Variants in NBR1 observed in about 807,000 individuals in gnomAD.
NBR1 encodes the protein NBR1 autophagy cargo receptor.
A neutral mutation model predicts 115.5 loss-of-function variants in NBR1; 59 were observed. That is an observed-to-expected ratio of 0.51 (90% CI 0.41 to 0.63). The LOEUF is 0.63. Ranked by LOEUF, NBR1 falls within the 30% of genes least tolerant of loss-of-function variation. The pLI is 0.00. For synonymous variants in NBR1, 373 were observed against 414.7 expected, an observed-to-expected ratio of 0.90 and a Z score of 1.22; for missense variants, 1,043 against 1,150.5, an observed-to-expected ratio of 0.91 and a Z score of 1.35.
intron 20 of NBR1, among the ~76,000 whole-genome samples, chr17:43,204,390 C>T (rs1360711450): frequency 6.6e-6 from 1 of 152,122 alleles, no homozygotes; most frequent in Non-Finnish European, 1.5e-5. Flanking sequence ...CAGTTCTTGG[C>T]CGGGTATGGT....
intron 18 of NBR1, among the ~76,000 whole-genome samples, chr17:43,202,454 A>C (rs1598011875): frequency 6.6e-6 from 1 of 151,982 alleles, no homozygotes; most frequent in African/African-American, 2.4e-5. Flanking sequence ...ATAAACAATC[A>C]TCTTGCATTG....
chr17:43,202,537 A>G (rs1373200154), intron 18 of NBR1, 118 bp from the exon 19 acceptor site: 41 of 629,032 alleles, frequency 6.5e-5, no homozygotes, highest in Non-Finnish European at 9.8e-5. Flanking sequence ...AAAAAAAAAA[A>G]AAGACTTCAA....
At chr17:43,188,935 T>A (rs1016469289) in intron 6 of NBR1, 107 bp from the exon 7 acceptor site, 13 of 778,560 alleles carry the variant, frequency 1.7e-5, no homozygotes, top group Non-Finnish European at 2.4e-5. Context: ...TAAAAAATTA[T>A]ATACTTGTAT....
intron 5 of NBR1, among the ~76,000 whole-genome samples, chr17:43,185,277 A>G (rs908646222): frequency 1.3e-5 from 2 of 152,156 alleles, no homozygotes; most frequent in East Asian, 3.8e-4. Context: ...ATGACAAAAA[A>G]TTTTTTAAAT....
At position 43,186,164 on chromosome 17, in the gene NBR1, C is replaced by T. The variant is rs1276416258; in HGVS notation, c.208-86C>T. The T allele has an allele frequency of 2.6e-6, 3 of 1,167,658 alleles. No individual in the cohort carries two copies. The African/African-American group carries it at 4.7e-5, about 18-fold the overall frequency. 72.3% of individuals were successfully genotyped at this position (1,167,658 alleles called of 1,614,324 possible). On this transcript the variant is annotated intron_variant, in intron 5 of 20. Transcript: ENST00000590996. ...TAGTATTTTCTAGCATAACTTACCA[C>T]ACTCTTCTGTTTTGATGTCTTTGAA...
chr17:43,210,965 G>T lies in NBR1; in HGVS notation c.*891G>T. On this transcript the variant is annotated 3_prime_UTR_variant, in exon 21 of 21. Transcript: ENST00000590996. ...AAATAGAAACATGTGAAAGGCAAAA[G>T]GCAGGCTCCTAAATTAATGTCAGTG... The T allele has an allele frequency of 2.7e-6, 1 of 364,910 alleles. No individual in the cohort carries two copies. The highest frequency in any genetic ancestry group is 4.9e-6 in the Non-Finnish European group (1 of 205,814). 22.6% of individuals were successfully genotyped at this position (364,910 alleles called of 1,614,324 possible).
intron 3 of NBR1, among the ~76,000 whole-genome samples, chr17:43,178,336 C>G (rs1396908385): frequency 6.6e-6 from 1 of 151,482 alleles, no homozygotes; most frequent in Non-Finnish European, 1.5e-5. Context: ...GTGTGAGACA[C>G]CCACCATGCC....
intron 19 of NBR1, among the ~76,000 whole-genome samples, chr17:43,203,369 A>G (rs1001973968): frequency 4.0e-5 from 6 of 151,862 alleles, no homozygotes; most frequent in African/African-American, 1.4e-4. Flanking sequence ...AGAATAATTG[A>G]GCAGACAAAC....
At chr17:43,173,320 G>A (rs1455147124) in intron 1 of NBR1, among the ~76,000 whole-genome samples, 2 of 151,796 alleles carry the variant, frequency 1.3e-5, no homozygotes, top group African/African-American at 4.8e-5. Flanking sequence ...ACAGAGTCTC[G>A]CTCTATCACC....
Position 43,196,465 on chromosome 17 carries a change from T to C in NBR1, c.1751-16T>C. 1 of 1,458,214 alleles carries C rather than the reference T, an allele frequency of 6.9e-7. No homozygotes were observed. The highest frequency in any genetic ancestry group is 9.3e-7 in the Non-Finnish European group (1 of 1,074,300). 90.3% of individuals were successfully genotyped at this position (1,458,214 alleles called of 1,614,324 possible). ...GCTTTCTCTTGATTGATGGTTCTCCTGTCTTCATTCTCCAGATGTGACTCC... is the reference window on the plus strand; with the variant it reads ...GCTTTCTCTTGATTGATGGTTCTCCCGTCTTCATTCTCCAGATGTGACTCC... On this transcript the variant is annotated splice_polypyrimidine_tract_variant and intron_variant, in intron 14 of 20. Coordinates refer to ENST00000590996, the MANE Select transcript of NBR1 (RefSeq NM_005899.5).
Position 43,189,812 on chromosome 17 carries a change from T to A in NBR1, c.695+10T>A, listed in dbSNP as rs1026972691. 1.2e-6 allele frequency: 2 copies of A among 1,611,836 alleles called. No individual in the cohort carries two copies. The highest frequency in any genetic ancestry group is 3.3e-4 in the Middle Eastern group (2 of 6,010). On this transcript the variant is annotated intron_variant, in intron 8 of 20. Transcript: ENST00000590996. ...TCCGCTACCAGTGTAGGTAAGCAGT[T>A]GCTTGGGAGTAGCTAGCTAGTGATA...
At chr17:43,199,008 G>A (rs1329524915) in intron 16 of NBR1, among the ~76,000 whole-genome samples, 1 of 151,660 alleles carries the variant, frequency 6.6e-6, no homozygotes, top group African/African-American at 2.4e-5. Flanking sequence ...CCACATGTGT[G>A]TACAAATACA....
chr17:43,179,274 T>G, intron 3 of NBR1, 120 bp from the exon 4 acceptor site: 1 of 797,606 alleles, frequency 1.3e-6, no homozygotes, highest in Admixed American at 2.3e-5. Flanking sequence ...TAGCAAGTGA[T>G]ATGGAAAAGC....
intron 3 of NBR1, among the ~76,000 whole-genome samples, chr17:43,178,890 G>A (rs1284284316): frequency 6.6e-6 from 1 of 151,710 alleles, no homozygotes; most frequent in Non-Finnish European, 1.5e-5. Context: ...AGCCTTCTGG[G>A]TAGCTAGGAC....
intron 5 of NBR1, 75 bp from the exon 6 acceptor site, chr17:43,186,175 T>C: frequency 7.7e-7 from 1 of 1,302,756 alleles, no homozygotes; most frequent in Non-Finnish European, 1.1e-6. Flanking sequence ...ACTCTTCTGT[T>C]TTGATGTCTT....
intron 6 of NBR1, among the ~76,000 whole-genome samples, chr17:43,186,779 C>T (rs1332358571): frequency 2.0e-5 from 3 of 151,598 alleles, no homozygotes; most frequent in Non-Finnish European, 2.9e-5. Context: ...GTTTGGTTTT[C>T]TGTTCCTGAG....
Position 43,171,863 on chromosome 17 carries a change from G to T in NBR1, c.-10+561G>T, listed in dbSNP as rs539855606. ...TCAAAGACCAACCCAGGCTGGGCTT[G>T]AACTGCTGAGCTCAAGCGATCCTCG... On this transcript the variant is annotated intron_variant, in intron 1 of 20. Transcript: ENST00000590996. Among the ~76,000 whole-genome samples the T allele has an allele frequency of 3.3e-5, 5 of 152,242 alleles. No homozygotes were observed. The East Asian group carries it at 9.6e-4, about 29-fold the overall frequency.
chr17:43,174,346 C>T (rs894332612), intron 1 of NBR1, among the ~76,000 whole-genome samples: 3 of 152,126 alleles, frequency 2.0e-5, no homozygotes, highest in African/African-American at 7.2e-5. Flanking sequence ...CCTGTAATCC[C>T]AGCACTTTGG....
intron 16 of NBR1, among the ~76,000 whole-genome samples, chr17:43,199,023 A>G (rs538953126): frequency 6.6e-6 from 1 of 152,166 alleles, no homozygotes; most frequent in Admixed American, 6.6e-5. Flanking sequence ...AATACATAAC[A>G]AAAAGGTCTG....
Sources: allele counts gnomAD v4.1 joint callset (sites outside exome capture counted in the v4.1 genomes callset), GRCh38; gene constraint gnomAD v4.1.1; transcripts MANE v1.5; gene names NCBI Gene and HGNC (gene_info 2026-07-23, HGNC 2026-07-21).